Variants in MBNL3 observed in about 807,000 individuals in gnomAD.
The protein encoded by MBNL3 is muscleblind like splicing regulator 3, also known as muscleblind-like protein 3.
A neutral mutation model predicts 24.5 loss-of-function variants in MBNL3; 6 were observed. The ratio of observed to expected loss-of-function variants is 0.25; its 90% CI spans 0.13 to 0.48. The LOEUF (loss-of-function observed/expected upper bound fraction) is 0.48. Ranked by LOEUF, MBNL3 falls within the 20% of genes least tolerant of loss-of-function variation. MBNL3 has a pLI of 0.99. For missense variants in MBNL3, 230 were observed against 293.5 expected (o/e 0.78, Z 1.58); for synonymous variants, 100 against 101.7 (o/e 0.98, Z 0.10).
At position 132,376,082 on chromosome X, in the gene MBNL3, G is replaced by A. The variant is rs1484115981; in HGVS notation, c.*3584C>T. On this transcript the variant is annotated 3_prime_UTR_variant, in exon 9 of 9. Coordinates refer to ENST00000370853, the MANE Select transcript of MBNL3 (RefSeq NM_001386889.1). The stretch of plus-strand genomic sequence containing the variant: ...TACTTGCTTTTTCCCAAATTGGAGA[G>A]CCGGTGAGCTGAGGCCCTCCCATTA... 4 of 111,415 alleles carry A rather than the reference G, an allele frequency of 3.6e-5. No individual in the cohort carries two copies. Among genetic ancestry groups the A allele is most frequent in the Non-Finnish European group, 7.6e-5 (4 of 52,923 alleles). 9.2% of individuals were successfully genotyped at this position (111,415 alleles called of 1,213,427 possible).
chrX:132,444,329 G>T (rs1208112116), intron 1 of MBNL3, among the ~76,000 whole-genome samples: 2 of 111,046 alleles, frequency 1.8e-5, no homozygotes, highest in Non-Finnish European at 3.8e-5. Flanking sequence ...TGTTAGTTTT[G>T]AATCGATTGG....
intron 5 of MBNL3, among the ~76,000 whole-genome samples, chrX:132,388,697 G>A (rs1034764787): frequency 9.0e-6 from 1 of 111,305 alleles, no homozygotes; most frequent in Non-Finnish European, 1.9e-5. Context: ...CCGAAGAGGT[G>A]TGAGACTGTG....
chrX:132,388,347 A>G (rs1036704571), intron 5 of MBNL3, among the ~76,000 whole-genome samples: 6 of 112,363 alleles, frequency 5.3e-5, no homozygotes, highest in Non-Finnish European at 1.1e-4. Flanking sequence ...AACAAAATCT[A>G]TCATTTCGAA....
intron 3 of MBNL3, among the ~76,000 whole-genome samples, chrX:132,394,637 A>G (rs1937700818): frequency 8.9e-6 from 1 of 112,441 alleles, no homozygotes; most frequent in African/African-American, 3.2e-5. Context: ...AAAGACCTGG[A>G]GGTGGGTGAA....
At chrX:132,471,810 G>A (rs971416392) in intron 1 of MBNL3, among the ~76,000 whole-genome samples, 1 of 112,916 alleles carries the variant, frequency 8.9e-6, no homozygotes, top group African/African-American at 3.2e-5. Flanking sequence ...CAGGGGGGAA[G>A]GGAAGATATT....
intron 1 of MBNL3, among the ~76,000 whole-genome samples, chrX:132,456,847 T>C (rs1474528161): frequency 6.3e-5 from 7 of 111,981 alleles, no homozygotes; most frequent in Non-Finnish European, 7.5e-5. Flanking sequence ...GGAAGGTATA[T>C]GTTTTCATAC....
intron 4 of MBNL3, 108 bp downstream of exon 4, chrX:132,392,035 A>T: frequency 2.9e-6 from 2 of 679,705 alleles, no homozygotes; most frequent in Non-Finnish European, 4.3e-6. Flanking sequence ...ATAAGCTAAG[A>T]AATTTGGGTT....
chrX:132,380,843 A>G (rs1934793183), intron 8 of MBNL3, among the ~76,000 whole-genome samples: 1 of 111,221 alleles, frequency 9.0e-6, no homozygotes, highest in Non-Finnish European at 1.9e-5. Context: ...AGGAGAAAAA[A>G]AAAATCCCAC....
intron 1 of MBNL3, among the ~76,000 whole-genome samples, chrX:132,471,166 TACAAAATTACATC>T (rs2148518646): frequency 9.0e-6 from 1 of 111,115 alleles, no homozygotes; most frequent in African/African-American, 3.3e-5. Context: ...TAGAAAAAAG[TACAAAATTACATC>T]ACTTCTTCCC....
At chrX:132,395,582 G>C (rs1938019096) in intron 3 of MBNL3, among the ~76,000 whole-genome samples, 1 of 111,425 alleles carries the variant, frequency 9.0e-6, no homozygotes, top group African/African-American at 3.3e-5. Context: ...TTATGAATAA[G>C]ATCACCTGAC....
rs954092513 is a variant in MBNL3 at position 132,373,534 on chromosome X, T to C, written c.*6132A>G. On this transcript the variant is annotated 3_prime_UTR_variant, in exon 9 of 9. Transcript: ENST00000370853. ...GGACAACTGTAAGGCTTGGATTGCT[T>C]TCTGGCTTTGGCTTATTTTTCTTTC... The C allele has an allele frequency of 2.7e-5, 3 of 111,690 alleles. No individual in the cohort carries two copies. The highest frequency in any genetic ancestry group is 9.5e-5 in the Admixed American group (1 of 10,495). 9.2% of individuals were successfully genotyped at this position (111,690 alleles called of 1,213,427 possible).
At chrX:132,406,993 T>C (rs898557272) in intron 2 of MBNL3, among the ~76,000 whole-genome samples, 3 of 111,988 alleles carry the variant, frequency 2.7e-5, no homozygotes, top group African/African-American at 9.7e-5. Context: ...GGTGAGGTTA[T>C]TGGGGAAGGG....
At chrX:132,446,220 A>G (rs771536793) in intron 1 of MBNL3, among the ~76,000 whole-genome samples, 1 of 111,946 alleles carries the variant, frequency 8.9e-6, no homozygotes, top group East Asian at 2.8e-4. Flanking sequence ...GTTGGTTCCA[A>G]GTCTTTGCTA....
At chrX:132,432,321 C>T (rs1160775747) in intron 2 of MBNL3, 1 of 111,332 alleles carries the variant, frequency 9.0e-6, no homozygotes, top group African/African-American at 3.3e-5. Context: ...GTATAATTCA[C>T]AAATCATAAA....
In MBNL3 at chrX:132,439,699, G is replaced by A. The variant is rs998593775; in HGVS notation, c.-88C>T. 12 of 1,054,580 alleles carry A rather than the reference G, an allele frequency of 1.1e-5. No homozygotes were observed. The Admixed American group carries it at 2.2e-4, about 20-fold the overall frequency. The allele number at this position is 1,054,580 out of a possible 1,213,427, so 86.9% of individuals were successfully genotyped here. Reference sequence around the variant, plus strand: ...AGGATTAAAAATGAATTCAAACTAAGTGCGAAGAGATAACAGGTTGCTTTG... The same window carrying A: ...AGGATTAAAAATGAATTCAAACTAAATGCGAAGAGATAACAGGTTGCTTTG... On this transcript the variant is annotated 5_prime_UTR_variant, in exon 2 of 9. Coordinates refer to ENST00000370853, the MANE Select transcript of MBNL3 (RefSeq NM_001386889.1).
intron 8 of MBNL3, 61 bp downstream of exon 8, chrX:132,382,117 C>T: frequency 1.0e-6 from 1 of 1,003,996 alleles, no homozygotes; most frequent in Non-Finnish European, 1.4e-6. Context: ...AAAGCATATA[C>T]TGTGCATTAC....
In MBNL3 at chrX:132,374,679, C is replaced by T. The variant is rs1195680124; in HGVS notation, c.*4987G>A. The T allele has an allele frequency of 2.7e-5, 3 of 111,931 alleles. No homozygotes were observed. The highest frequency in any genetic ancestry group is 5.7e-5 in the Non-Finnish European group (3 of 53,041). The allele number at this position is 111,931 out of a possible 1,213,427, so 9.2% of individuals were successfully genotyped here. On this transcript the variant is annotated 3_prime_UTR_variant, in exon 9 of 9. Transcript: ENST00000370853. ...AAAAAAGGTGTGTCTCACACATCCG[C>T]ACCCTAACTGAGACAGTCAATTAAC...
chrX:132,480,345 C>T (rs944687002), intron 1 of MBNL3, among the ~76,000 whole-genome samples: 1 of 112,060 alleles, frequency 8.9e-6, no homozygotes, highest in African/African-American at 3.2e-5. Context: ...AAGTTTTTGT[C>T]CACTTTACTA....
At chrX:132,379,778 C>T (rs1934505334) in intron 8 of MBNL3, 101 bp from the exon 9 acceptor site, 2 of 626,372 alleles carry the variant, frequency 3.2e-6, no homozygotes, top group East Asian at 7.0e-5. Flanking sequence ...CCAGTTCTGT[C>T]TGTTAACAGT....
Sources: allele counts gnomAD v4.1 joint callset (sites outside exome capture counted in the v4.1 genomes callset), GRCh38; gene constraint gnomAD v4.1.1; transcripts MANE v1.5; gene names NCBI Gene and HGNC (gene_info 2026-07-23, HGNC 2026-07-21).